UNC13C: variants seen among roughly 807,000 people sequenced by gnomAD.
The protein encoded by UNC13C is protein unc-13 homolog C.
Under a neutral mutation model 245.4 loss-of-function variants are expected in UNC13C, and 174 were observed. That is an observed-to-expected ratio of 0.71 (90% CI 0.63 to 0.80). The LOEUF is 0.80. Ranked by LOEUF, UNC13C falls within the 30% of genes least tolerant of loss-of-function variation. The pLI, the probability that UNC13C is intolerant of heterozygous loss-of-function variation, is 0.00. For missense variants in UNC13C, 2,829 were observed against 2,602.9 expected (o/e 1.09, Z -1.89); for synonymous variants, 992 against 895.1 (o/e 1.11, Z -1.93).
At chr15:54,504,283 C>A (rs1018701799) in intron 22 of UNC13C, among the ~76,000 whole-genome samples, 1 of 152,106 alleles carries the variant, frequency 6.6e-6, no homozygotes, top group African/African-American at 2.4e-5. Context: ...ATATTTATTT[C>A]TATTCCTTGT....
At chr15:54,175,707 T>G (rs887161655) in intron 4 of UNC13C, among the ~76,000 whole-genome samples, 2 of 151,872 alleles carry the variant, frequency 1.3e-5, no homozygotes, top group African/African-American at 2.4e-5. Flanking sequence ...GAGACGGGGT[T>G]TCACAGCTCC....
rs201923650 is a variant in UNC13C at position 54,494,726 on chromosome 15, A to G, written c.5052A>G (p.Glu1684=). 1.0e-4 allele frequency: 163 copies of G among 1,609,898 alleles called. No individual in the cohort carries two copies. Among genetic ancestry groups the G allele is most frequent in the Non-Finnish European group, 1.3e-4 (156 of 1,178,238 alleles). ...ELPAFKDAVP[E]YSLWFEPFVM... ...CTGCCTTCAAGGATGCTGTTCCTGA[A>G]TACTCCTTGTAAGTAGTGATTTTAA... Residue 1684 remains glutamate (E), a synonymous_variant, in exon 20 of 33, where the codon GAA becomes GAG. Coordinates refer to ENST00000260323, the MANE Select transcript of UNC13C (RefSeq NM_001080534.3).
At chr15:54,296,621 A>G (rs950442713) in intron 11 of UNC13C, among the ~76,000 whole-genome samples, 11 of 152,164 alleles carry the variant, frequency 7.2e-5, no homozygotes, top group African/African-American at 2.7e-4. Flanking sequence ...TGCAACACAA[A>G]TGACGATTAA....
At chr15:54,409,995 G>T (rs6493680) in intron 18 of UNC13C, among the ~76,000 whole-genome samples, 78,091 of 152,018 alleles carry the variant, frequency 0.51, 20,256 homozygotes, top group East Asian at 0.65. Context: ...CCCACTAGCA[G>T]CGTATAATTG....
At chr15:54,195,119 AAAAAT>A (rs2034310143) in intron 4 of UNC13C, among the ~76,000 whole-genome samples, 12 of 100,372 alleles carry the variant, frequency 1.2e-4, no homozygotes, top group Non-Finnish European at 2.4e-4. Context: ...CTGCACATAC[AAAAAT>A]GGAATTTCAA....
intron 4 of UNC13C, among the ~76,000 whole-genome samples, chr15:54,186,722 A>G (rs1489670116): frequency 6.6e-6 from 1 of 151,820 alleles, no homozygotes; most frequent in East Asian, 1.9e-4. Context: ...CTTCTAGAGA[A>G]AACCTTAATC....
At chr15:54,391,778 T>G (rs2039962011) in intron 17 of UNC13C, among the ~76,000 whole-genome samples, 1 of 152,118 alleles carries the variant, frequency 6.6e-6, no homozygotes, top group South Asian at 2.1e-4. Context: ...TAAAAGTACA[T>G]TATAGTCTAA....
At chr15:53,931,543 T>A in the UNC13C span, among the ~76,000 whole-genome samples, 5 of 152,004 alleles carry the variant, frequency 3.3e-5, no homozygotes, top group Non-Finnish European at 5.9e-5. Flanking sequence ...ACAAATTGTC[T>A]TTGCTTCCTT....
At chr15:53,954,011 C>A in the UNC13C span, among the ~76,000 whole-genome samples, 2 of 152,166 alleles carry the variant, frequency 1.3e-5, no homozygotes, top group African/African-American at 4.8e-5. Flanking sequence ...GAAGGAGCAG[C>A]AAGGCAGCAC....
At chr15:54,313,398 A>G (rs964700413) in intron 13 of UNC13C, among the ~76,000 whole-genome samples, 1 of 151,796 alleles carries the variant, frequency 6.6e-6, no homozygotes, top group African/African-American at 2.4e-5. Flanking sequence ...TTTCTTGGTC[A>G]ATTAGTATGC....
intron 32 of UNC13C, among the ~76,000 whole-genome samples, chr15:54,625,233 T>C (rs2141318662): frequency 6.6e-6 from 1 of 152,140 alleles, no homozygotes; most frequent in Non-Finnish European, 1.5e-5. Flanking sequence ...GCCAACCTCT[T>C]GATGGGGTTC....
intron 29 of UNC13C, among the ~76,000 whole-genome samples, chr15:54,560,104 T>C (rs1897240829): frequency 6.6e-6 from 1 of 151,916 alleles, no homozygotes; most frequent in Non-Finnish European, 1.5e-5. Context: ...ATTATAAAGT[T>C]AAGGTGGGTT....
chr15:54,136,692 T>C, intron 2 of UNC13C, among the ~76,000 whole-genome samples: 1 of 152,202 alleles, frequency 6.6e-6, no homozygotes, highest in East Asian at 1.9e-4. Flanking sequence ...TTATTGTGTA[T>C]GGCTTTTATT....
chr15:54,382,973 A>G (rs1423980099), intron 17 of UNC13C, among the ~76,000 whole-genome samples: 3 of 152,316 alleles, frequency 2.0e-5, no homozygotes, highest in East Asian at 3.9e-4. Context: ...TTGGAAGCAT[A>G]CAACTTACCA....
At chr15:53,982,064 A>C (rs1338970677) in intron 1 of UNC13C, among the ~76,000 whole-genome samples, 1 of 152,156 alleles carries the variant, frequency 6.6e-6, no homozygotes, top group Non-Finnish European at 1.5e-5. Context: ...CAACATTATA[A>C]ATTGTACTCA....
At chr15:54,037,242 T>G (rs1896611038) in intron 2 of UNC13C, among the ~76,000 whole-genome samples, 1 of 152,248 alleles carries the variant, frequency 6.6e-6, no homozygotes, top group Non-Finnish European at 1.5e-5. Context: ...TGTTCTACAG[T>G]TGTTGCCCTT....
intron 2 of UNC13C, among the ~76,000 whole-genome samples, chr15:54,036,037 A>T (rs1356200241): frequency 6.6e-6 from 1 of 152,214 alleles, no homozygotes; most frequent in African/African-American, 2.4e-5. Flanking sequence ...AGGTGACTGC[A>T]AGCCAAGTTG....
Position 54,449,844 on chromosome 15 carries a change from G to A in UNC13C, c.4933+34777G>A, listed in dbSNP as rs146856313. Among the ~76,000 whole-genome samples the A allele has an allele frequency of 5.0e-3, 766 of 152,284 alleles. 6 individuals carry two copies. The highest frequency in any genetic ancestry group is 0.017 in the African/African-American group (716 of 41,556). ...GCTGCATTCCTTTGGAGGAGGAGAG[G>A]CACTCTGATTTTTAGAATTTTCAGT... is the stretch of plus-strand genomic sequence containing the variant. On this transcript the variant is annotated intron_variant, in intron 19 of 32. Transcript: ENST00000260323.
chr15:53,990,460 A>G (rs537863751), intron 1 of UNC13C, among the ~76,000 whole-genome samples: 12 of 152,198 alleles, frequency 7.9e-5, no homozygotes, highest in African/African-American at 2.6e-4. Flanking sequence ...CAATTGACCT[A>G]TTTGTATCTG....
Sources: allele counts gnomAD v4.1 joint callset (sites outside exome capture counted in the v4.1 genomes callset), GRCh38; gene constraint gnomAD v4.1.1; transcripts MANE v1.5; gene names NCBI Gene and HGNC (gene_info 2026-07-23, HGNC 2026-07-21).